SLC25A41: variants seen among roughly 807,000 people sequenced by gnomAD.
SLC25A41 encodes the protein solute carrier family 25 member 41.
Under a neutral mutation model 34.7 loss-of-function variants are expected in SLC25A41, and 35 were observed. The observed-to-expected ratio is 1.01, with a 90% CI of 0.77 to 1.34. The LOEUF is 1.34. Among genes scored for constraint, SLC25A41 ranks in the 40% most tolerant of loss-of-function variants. The probability of loss-of-function intolerance (pLI) is 0.00; values close to 1 mark genes in which losing one functional copy is unlikely to be tolerated. For missense variants in SLC25A41, 492 were observed against 489.8 expected, an observed-to-expected ratio of 1.00 and a Z score of -0.04; for synonymous variants, 190 against 209.9, an observed-to-expected ratio of 0.91 and a Z score of 0.82.
rs770482176 is a variant in SLC25A41, at chr19:6,432,085, GC to G, written c.326del (p.Gly109AlafsTer102). On this transcript the variant is annotated frameshift_variant, in exon 2 of 7. Coordinates refer to ENST00000321510, the MANE Select transcript of SLC25A41 (RefSeq NM_173637.4). LOFTEE classifies it high-confidence loss of function. ...GAMAGAVSRT[G>X]TAPLDRAKVY... ...CCTTGGCTCTGTCCAGAGGTGCCGT[GC>G]CCGTGCGAGACACCGCCCCGGCCAT... 1.4e-5 allele frequency: 23 copies of G among 1,613,652 alleles called. No homozygotes were observed. Among genetic ancestry groups the G allele is most frequent in the Non-Finnish European group, 1.7e-5 (20 of 1,179,808 alleles).
At position 6,426,532 on chromosome 19, in the gene SLC25A41, G is replaced by A. The variant is rs369925421; in HGVS notation, c.970C>T (p.Arg324Cys). Residue 324 changes from arginine to cysteine, a missense_variant, in exon 7 of 7, where the codon CGC becomes TGC. Physicochemically the swap from Arg to Cys is radical, Grantham distance 180. Coordinates refer to ENST00000321510, the MANE Select transcript of SLC25A41 (RefSeq NM_173637.4). Reference sequence around the variant, plus strand: ...GCCAGGATCCGCTGGAGGACTCCGCGCATGGTGGGATTTGAGCCCTCCACG... The same window carrying A: ...GCCAGGATCCGCTGGAGGACTCCGCACATGGTGGGATTTGAGCCCTCCACG... Reference protein sequence around the residue: ...DTVEGSNPTMRGVLQRILAQQ... With the variant: ...DTVEGSNPTMCGVLQRILAQQ... 1.1e-5 allele frequency: 18 copies of A among 1,613,082 alleles called. No individual in the cohort carries two copies. Among genetic ancestry groups the A allele is most frequent in the East Asian group, 2.2e-5 (1 of 44,892 alleles).
intron 4 of SLC25A41, among the ~76,000 whole-genome samples, chr19:6,429,154 TTA>T (rs1555730145): frequency 1.8e-4 from 8 of 44,342 alleles, no homozygotes; most frequent in Non-Finnish European, 2.8e-4. Context: ...AATATATATA[TTA>T]TATATATAAT....
chr19:6,433,806 G>C, upstream of SLC25A41: 67 of 886,348 alleles, frequency 7.6e-5, no homozygotes, highest in Non-Finnish European at 1.1e-4. Flanking sequence ...GGAGGATGAA[G>C]TCACAAACGC....
chr19:6,426,501 T>C lies in SLC25A41; in HGVS notation c.1001A>G (p.Gln334Arg), dbSNP rs1304314605. 1.2e-6 allele frequency: 2 copies of C among 1,613,568 alleles called. No homozygotes were observed. The highest frequency in any genetic ancestry group is 1.7e-6 in the Non-Finnish European group (2 of 1,179,838). Residue 334 changes from glutamine (Q) to arginine (R), a missense_variant, in exon 7 of 7, where the codon CAG becomes CGG. Gln to Arg is a conservative substitution (Grantham distance 43). Coordinates refer to ENST00000321510, the MANE Select transcript of SLC25A41 (RefSeq NM_173637.4). ...GCCTCGGTACAGCCCTAGCCAGCCC[T>C]GCTGGGCCAGGATCCGCTGGAGGAC... Reference protein sequence around the residue: ...RGVLQRILAQQGWLGLYRGMT... With the variant: ...RGVLQRILAQRGWLGLYRGMT...
chr19:6,433,166 A>C (rs2092293477), intron 1 of SLC25A41, among the ~76,000 whole-genome samples: 1 of 152,140 alleles, frequency 6.6e-6, no homozygotes, highest in Non-Finnish European at 1.5e-5. Flanking sequence ...CTCCTGCCTC[A>C]GCCTCCTGAG....
chr19:6,429,423 G>GT (rs2092271813), intron 4 of SLC25A41, among the ~76,000 whole-genome samples: 1 of 10,968 alleles, frequency 9.1e-5, no homozygotes. Flanking sequence ...GGGAGGAGAA[G>GT]GGAGAAAGGA....
chr19:6,429,039 AATATATATAT>A lies in SLC25A41; in HGVS notation c.624+675_624+684del, dbSNP rs1230346654. 4.4e-4 allele frequency among the ~76,000 whole-genome samples: 12 copies of A among 26,984 alleles called. 2 individuals carry two copies. The highest frequency in any genetic ancestry group is 3.1e-3 in the African/African-American group (12 of 3,898). The allele number at this position is 26,984 out of a possible 152,430, so 17.7% of individuals were successfully genotyped here. On this transcript the variant is annotated intron_variant, in intron 4 of 6. Coordinates refer to ENST00000321510, the MANE Select transcript of SLC25A41 (RefSeq NM_173637.4). ...CCTGAAAATTTATATATATATATATAATATATATATTATATATATGTTATATATATATATA... is the reference window on the plus strand; with the variant it reads ...CCTGAAAATTTATATATATATATATATATATATATGTTATATATATATATA...
At chr19:6,433,817 C>T (rs1161891127), upstream of SLC25A41, 4 of 766,854 alleles carry the variant, frequency 5.2e-6, no homozygotes, top group East Asian at 2.8e-5. Flanking sequence ...TCACAAACGC[C>T]CCTGTGACCT....
At chr19:6,428,468 T>A (rs892648937) in intron 4 of SLC25A41, among the ~76,000 whole-genome samples, 1 of 146,592 alleles carries the variant, frequency 6.8e-6, no homozygotes, top group African/African-American at 2.5e-5. Context: ...GAAATGAAAA[T>A]ATATATGTAT....
In SLC25A41 at chr19:6,426,238, A is replaced by AC; in HGVS notation, c.*150dup. 1.7e-6 allele frequency: 1 copy of AC among 578,050 alleles called. No individual in the cohort carries two copies. 35.8% of individuals were successfully genotyped at this position (578,050 alleles called of 1,614,324 possible). On this transcript the variant is annotated 3_prime_UTR_variant, in exon 7 of 7. Transcript: ENST00000321510. ...CAACCCCAGCTTCAGGAATCTTCTG[A>AC]CCCAGAGCCCCACCCCCACCCCCAG...
chr19:6,432,316 G>GC, intron 1 of SLC25A41, 112 bp from the exon 2 acceptor site: 1 of 1,229,226 alleles, frequency 8.1e-7, no homozygotes, highest in Non-Finnish European at 1.1e-6. Flanking sequence ...CCCCAAGTCT[G>GC]CATTTTTTTT....
chr19:6,430,485 C>T (rs2092280911), intron 2 of SLC25A41: 2 of 486,530 alleles, frequency 4.1e-6, no homozygotes, highest in African/African-American at 2.1e-5. Context: ...CCGTTCCTCC[C>T]TTCCTTCTTT....
upstream of SLC25A41, among the ~76,000 whole-genome samples, chr19:6,435,414 C>T (rs1435454446): frequency 2.0e-5 from 3 of 148,632 alleles, no homozygotes; most frequent in African/African-American, 5.2e-5. Flanking sequence ...ACACCACGCC[C>T]GGCTAAGTTT....
intron 4 of SLC25A41, among the ~76,000 whole-genome samples, chr19:6,428,401 CAAA>C (rs764137246): frequency 1.4e-5 from 1 of 69,230 alleles, no homozygotes. Context: ...GTGAGACTCT[CAAA>C]AAAAAAAAAA....
At position 6,430,121 on chromosome 19, in the gene SLC25A41, C is replaced by A. The variant is rs372424765; in HGVS notation, c.404G>T (p.Gly135Val). ...SKTNFTNLLG[G>V]LQSMVQEGGF... ...GCCCTCCTGGACCATGCTCTGTAGC[C>A]CCCCCAGCAGGTTGGTGAAGTTCGT... The change falls in exon 3 of 7, where the codon GGG becomes GTG. Residue 135 changes from glycine (G) to valine (V), a missense_variant. By Grantham distance (109) the Gly-to-Val change is moderately radical. Transcript: ENST00000321510. The A allele has an allele frequency of 2.1e-5, 34 of 1,613,124 alleles. No homozygotes were observed. The South Asian group carries it at 2.4e-4, about 11-fold the overall frequency.
At chr19:6,434,775 G>T (rs2092301117), upstream of SLC25A41, among the ~76,000 whole-genome samples, 1 of 152,088 alleles carries the variant, frequency 6.6e-6, no homozygotes, top group Non-Finnish European at 1.5e-5. Flanking sequence ...CAGGTTTGGT[G>T]GTGTGCCCCT....
chr19:6,426,655 A>AT, intron 6 of SLC25A41, 94 bp from the exon 7 acceptor site: 1 of 1,353,200 alleles, frequency 7.4e-7, no homozygotes. Context: ...AGCCACGGGT[A>AT]GGGGCCCCAG....
At position 6,427,532 on chromosome 19, in the gene SLC25A41, T is replaced by C; in HGVS notation, c.625-31A>G. ...GATGGCGGGGAACAAGGCAGCTCAT[T>C]TGATTGAATCCTGTCAATGACCCTC... On this transcript the variant is annotated intron_variant, in intron 4 of 6. Transcript: ENST00000321510. This position sits in a 1 kb window ranked among gnomAD's most constrained non-coding sequence, Gnocchi z 4.9. 1.4e-6 allele frequency: 2 copies of C among 1,470,780 alleles called. No homozygotes were observed. The highest frequency in any genetic ancestry group is 1.8e-6 in the Non-Finnish European group (2 of 1,102,484). 91.1% of individuals were successfully genotyped at this position (1,470,780 alleles called of 1,614,324 possible).
intron 4 of SLC25A41, among the ~76,000 whole-genome samples, chr19:6,429,154 TTATATATATAA>T (rs1178560438): frequency 2.3e-5 from 1 of 44,340 alleles, no homozygotes; most frequent in African/African-American, 1.2e-4. Context: ...AATATATATA[TTATATATATAA>T]TATATATATA....
Sources: gnomAD v4.1 joint callset for allele counts (sites outside exome capture counted in the v4.1 genomes callset) on GRCh38, gnomAD v4.1.1 for gene constraint, Gnocchi (gnomAD v3.1) non-coding constraint, MANE v1.5 for transcripts, NCBI Gene and HGNC (gene_info 2026-07-23, HGNC 2026-07-21) for gene names.